Variants in HEPACAM2 observed in about 807,000 individuals in gnomAD.
The protein encoded by HEPACAM2 is HEPACAM family member 2.
HEPACAM2 carries 49 observed loss-of-function variants against 49.6 expected under a neutral mutation model. That is an observed-to-expected ratio of 0.99 (90% CI 0.78 to 1.25). HEPACAM2 has a LOEUF of 1.25. Ranked by LOEUF, HEPACAM2 falls within the 50% of genes most tolerant of loss-of-function variation. The probability of loss-of-function intolerance (pLI) is 0.00; values close to 1 mark genes in which losing one functional copy is unlikely to be tolerated. For missense variants in HEPACAM2, 525 were observed against 557.2 expected, an observed-to-expected ratio of 0.94 and a Z score of 0.58; for synonymous variants, 197 against 202.9, an observed-to-expected ratio of 0.97 and a Z score of 0.25.
At chr7:93,189,945 T>C (rs927365348) in intron 9 of HEPACAM2, among the ~76,000 whole-genome samples, 7 of 151,994 alleles carry the variant, frequency 4.6e-5, no homozygotes, top group Non-Finnish European at 7.4e-5. Flanking sequence ...AAACCACAGA[T>C]AATCAGGAAA....
chr7:93,195,545 A>G (rs1316395490), intron 8 of HEPACAM2, among the ~76,000 whole-genome samples: 3 of 152,050 alleles, frequency 2.0e-5, no homozygotes, highest in Non-Finnish European at 4.4e-5. Flanking sequence ...TTGACTTTCA[A>G]CCTAGTTAGT....
At chr7:93,227,143 G>C (rs576078864), upstream of HEPACAM2, among the ~76,000 whole-genome samples, 12 of 152,142 alleles carry the variant, frequency 7.9e-5, no homozygotes, top group Non-Finnish European at 1.5e-4. Flanking sequence ...GATAGTATCT[G>C]AGGCCACATT....
At chr7:93,195,965 C>G in intron 7 of HEPACAM2, 64 bp from the exon 8 acceptor site, 2 of 1,093,196 alleles carry the variant, frequency 1.8e-6, no homozygotes, top group Middle Eastern at 2.0e-4. Flanking sequence ...TTTTTTAAAC[C>G]TTTGTAAAAC....
Position 93,195,830 on chromosome 7 carries a change from T to C in HEPACAM2, c.1273A>G (p.Arg425Gly). 1 of 1,612,284 alleles carries C rather than the reference T, an allele frequency of 6.2e-7. No homozygotes were observed. Among genetic ancestry groups the C allele is most frequent in the South Asian group, 1.1e-5 (1 of 91,006 alleles). The part of the protein sequence containing the change: ...VAFPDVSGVS[R>G]IPSRSVPASD... ...AATCAGCCACTAGGAAAACCAACCCTGGAAACACCAGAAACATCTGGAAAA... is the reference window on the plus strand; with the variant it reads ...AATCAGCCACTAGGAAAACCAACCCCGGAAACACCAGAAACATCTGGAAAA... The change falls in exon 8 of 10, where the codon AGG (arginine) becomes GGG (glycine). Residue 425 changes from arginine to glycine, a missense_variant and splice_region_variant. Transcript: ENST00000394468.
intron 3 of HEPACAM2, among the ~76,000 whole-genome samples, chr7:93,215,067 G>GT (rs1389167757): frequency 1.3e-5 from 2 of 152,136 alleles, no homozygotes; most frequent in Admixed American, 6.6e-5. Context: ...TATTCTTTCA[G>GT]TTTTTTTCAT....
intron 9 of HEPACAM2, 111 bp downstream of exon 9, chr7:93,192,143 T>G: frequency 1.4e-6 from 1 of 690,178 alleles, no homozygotes; most frequent in Non-Finnish European, 2.4e-6. Context: ...ACAGAAGCTA[T>G]AATTTCTTGT....
At chr7:93,211,240 T>C (rs1408649733) in intron 3 of HEPACAM2, among the ~76,000 whole-genome samples, 3 of 152,070 alleles carry the variant, frequency 2.0e-5, no homozygotes, top group Non-Finnish European at 4.4e-5. Context: ...TGGGTTTTTA[T>C]TAATAAACCT....
chr7:93,196,347 C>A (rs1029774849), intron 7 of HEPACAM2, among the ~76,000 whole-genome samples: 17 of 152,134 alleles, frequency 1.1e-4, no homozygotes, highest in Admixed American at 1.1e-3. Flanking sequence ...CTAACTGAAG[C>A]TTCCCATACA....
At chr7:93,218,020 T>C (rs1313497560) in intron 2 of HEPACAM2, among the ~76,000 whole-genome samples, 1 of 151,840 alleles carries the variant, frequency 6.6e-6, no homozygotes, top group African/African-American at 2.4e-5. Flanking sequence ...CATGCTAGTA[T>C]CTTGGAGAAA....
chr7:93,229,923 G>A (rs1216564993), upstream of HEPACAM2, among the ~76,000 whole-genome samples: 1 of 152,122 alleles, frequency 6.6e-6, no homozygotes, highest in East Asian at 1.9e-4. Context: ...TAGTGTTAAG[G>A]TATGCTGAAT....
At chr7:93,214,763 TGAAA>T (rs2116701544) in intron 3 of HEPACAM2, among the ~76,000 whole-genome samples, 1 of 152,310 alleles carries the variant, frequency 6.6e-6, no homozygotes, top group Non-Finnish European at 1.5e-5. Flanking sequence ...TTGCACATGT[TGAAA>T]GAAAGATGTT....
chr7:93,189,363 G>A, intron 9 of HEPACAM2, 93 bp from the exon 10 acceptor site: 3 of 775,270 alleles, frequency 3.9e-6, no homozygotes, highest in Non-Finnish European at 2.0e-6. Context: ...TGCTTTCCAG[G>A]GCTACAGATT....
intron 4 of HEPACAM2, among the ~76,000 whole-genome samples, chr7:93,201,589 G>T (rs1223376090): frequency 6.6e-6 from 1 of 151,836 alleles, no homozygotes; most frequent in Non-Finnish European, 1.5e-5. Flanking sequence ...AAGACTCCAG[G>T]ACTCAAATTT....
chr7:93,223,550 A>C (rs1027490178), intron 1 of HEPACAM2, among the ~76,000 whole-genome samples: 1 of 152,170 alleles, frequency 6.6e-6, no homozygotes, highest in African/African-American at 2.4e-5. Context: ...TTTAGACTGC[A>C]TCATGTAATA....
the HEPACAM2 span, chr7:93,232,208 T>G: frequency 2.2e-6 from 1 of 455,188 alleles, no homozygotes; most frequent in Non-Finnish European, 4.0e-6. Context: ...AGCAGTAATA[T>G]TTACCGGCTT....
chr7:93,189,633 A>G (rs1793491223), intron 9 of HEPACAM2, among the ~76,000 whole-genome samples: 1 of 151,994 alleles, frequency 6.6e-6, no homozygotes, highest in African/African-American at 2.4e-5. Flanking sequence ...GAGTACTAGA[A>G]TATGAACACA....
intron 9 of HEPACAM2, among the ~76,000 whole-genome samples, chr7:93,191,669 C>G (rs900725787): frequency 1.3e-5 from 2 of 152,044 alleles, no homozygotes; most frequent in African/African-American, 4.8e-5. Context: ...TTAGTGACAG[C>G]CTTGAGCTTA....
In HEPACAM2 at chr7:93,195,840, A is replaced by G. The variant is rs112899564; in HGVS notation, c.1263T>C (p.Ser421=). The part of the protein sequence containing the change: ...IYEFVAFPDV[S]GVSRIPSRSV... ...TAGGAAAACCAACCCTGGAAACACC[A>G]GAAACATCTGGAAAAGCAACAAATT... The change falls in exon 8 of 10, where the codon TCT becomes TCC. Residue 421 remains serine, a synonymous_variant. Coordinates refer to ENST00000394468, the MANE Select transcript of HEPACAM2 (RefSeq NM_001039372.4). 29 of 1,613,004 alleles carry G rather than the reference A, an allele frequency of 1.8e-5. 1 individual carries two copies. The highest frequency in any genetic ancestry group is 1.6e-4 in the African/African-American group (12 of 75,008).
At chr7:93,227,792 T>G (rs1165910700), upstream of HEPACAM2, among the ~76,000 whole-genome samples, 1 of 152,148 alleles carries the variant, frequency 6.6e-6, no homozygotes, top group Non-Finnish European at 1.5e-5. Flanking sequence ...TAATCTTTAT[T>G]TTATTGGATG....
Sources: allele counts gnomAD v4.1 joint callset (sites outside exome capture counted in the v4.1 genomes callset), GRCh38; gene constraint gnomAD v4.1.1; transcripts MANE v1.5; gene names NCBI Gene and HGNC (gene_info 2026-07-23, HGNC 2026-07-21).